ZNRF1: variants seen among roughly 807,000 people sequenced by gnomAD.
ZNRF1 encodes E3 ubiquitin-protein ligase ZNRF1.
A neutral mutation model predicts 18.4 loss-of-function variants in ZNRF1; 3 were observed. The observed-to-expected ratio is 0.16, with a 90% CI of 0.07 to 0.42. The LOEUF is 0.42. Among genes scored for constraint, ZNRF1 ranks in the 10% least tolerant of loss-of-function variants. The probability of loss-of-function intolerance (pLI) is 0.99; values close to 1 mark genes in which losing one functional copy is unlikely to be tolerated. For synonymous variants in ZNRF1, 157 were observed against 144.2 expected, an observed-to-expected ratio of 1.09 and a Z score of -0.64; for missense variants, 310 against 329.8, an observed-to-expected ratio of 0.94 and a Z score of 0.47.
intron 1 of ZNRF1, among the ~76,000 whole-genome samples, chr16:75,010,271 C>T (rs2034976894): frequency 6.6e-6 from 1 of 152,166 alleles, no homozygotes; most frequent in Admixed American, 6.6e-5. Flanking sequence ...GTGTGAGCCA[C>T]CACACCCGGC....
At chr16:75,052,649 G>T (rs1249597779) in intron 1 of ZNRF1, among the ~76,000 whole-genome samples, 1 of 152,062 alleles carries the variant, frequency 6.6e-6, no homozygotes, top group Non-Finnish European at 1.5e-5. Context: ...CTTCTTCAAG[G>T]CCACCTCCAT....
At chr16:75,030,833 CTTTTTTT>C (rs59468839) in intron 1 of ZNRF1, among the ~76,000 whole-genome samples, 43 of 91,414 alleles carry the variant, frequency 4.7e-4, no homozygotes, top group African/African-American at 1.2e-3. Flanking sequence ...CACTTTATTC[CTTTTTTT>C]TTTTTTTTTT....
chr16:75,064,489 G>A (rs1213055353), intron 1 of ZNRF1, among the ~76,000 whole-genome samples: 2 of 151,400 alleles, frequency 1.3e-5, no homozygotes, highest in Admixed American at 6.6e-5. Flanking sequence ...CCGGGGTGCA[G>A]AGGTTGCAGT....
intron 1 of ZNRF1, among the ~76,000 whole-genome samples, chr16:75,011,461 G>C (rs1233185493): frequency 6.6e-6 from 1 of 152,120 alleles, no homozygotes; most frequent in African/African-American, 2.4e-5. Context: ...ATGAACTCCT[G>C]GGCTTAAGAC....
At chr16:75,066,310 C>G (rs902646973) in intron 1 of ZNRF1, among the ~76,000 whole-genome samples, 3 of 152,144 alleles carry the variant, frequency 2.0e-5, no homozygotes, top group Admixed American at 2.0e-4. Flanking sequence ...AAATACAAGA[C>G]TGGTTCAACA....
At chr16:75,058,256 A>G (rs1460229505) in intron 1 of ZNRF1, among the ~76,000 whole-genome samples, 4 of 152,030 alleles carry the variant, frequency 2.6e-5, no homozygotes, top group Admixed American at 6.6e-5. Flanking sequence ...ATGTGCCACA[A>G]TGGACGCTCC....
chr16:75,053,329 C>T (rs1567479745), intron 1 of ZNRF1, among the ~76,000 whole-genome samples: 1 of 152,158 alleles, frequency 6.6e-6, no homozygotes, highest in East Asian at 1.9e-4. Context: ...TGGCTCATGC[C>T]TGTAATCCCA....
chr16:75,025,815 G>T (rs1195411785), intron 1 of ZNRF1, among the ~76,000 whole-genome samples: 1 of 147,890 alleles, frequency 6.8e-6, no homozygotes, highest in Non-Finnish European at 1.5e-5. Flanking sequence ...CTAGACTAGA[G>T]CATAAGAAAT....
At position 74,999,652 on chromosome 16, in the gene ZNRF1, C is replaced by A. The variant is rs2034810358; in HGVS notation, c.-20C>A. 1.5e-6 allele frequency: 2 copies of A among 1,330,396 alleles called. No homozygotes were observed. The highest frequency in any genetic ancestry group is 1.9e-6 in the Non-Finnish European group (2 of 1,046,502). 82.4% of individuals were successfully genotyped at this position (1,330,396 alleles called of 1,614,324 possible). A position where few individuals can be genotyped will look rare whatever the true frequency, so the allele number is the denominator to read the frequency against. On this transcript the variant is annotated 5_prime_UTR_variant, in exon 1 of 5. Coordinates refer to ENST00000335325, the MANE Select transcript of ZNRF1 (RefSeq NM_032268.5). ...GGGTCTCGGCCTCCAGGTTCCCGCC[C>A]CACCGGGGCCCGGGCGAGCATGGGG...
At chr16:75,087,270 G>A (rs1338932210) in intron 1 of ZNRF1, among the ~76,000 whole-genome samples, 3 of 152,184 alleles carry the variant, frequency 2.0e-5, no homozygotes, top group Non-Finnish European at 4.4e-5. Flanking sequence ...TGGGATCACT[G>A]TTGGTTCCCC....
chr16:75,021,103 C>T (rs1003820017), intron 1 of ZNRF1, among the ~76,000 whole-genome samples: 8 of 152,092 alleles, frequency 5.3e-5, no homozygotes, highest in African/African-American at 1.4e-4. Context: ...TGCAATGGGG[C>T]GGTCTCAGCT....
chr16:75,073,001 A>G (rs2035888741), intron 1 of ZNRF1, among the ~76,000 whole-genome samples: 1 of 152,154 alleles, frequency 6.6e-6, no homozygotes, highest in Non-Finnish European at 1.5e-5. Context: ...TAAAAAATTG[A>G]GGGGCCAGGC....
intron 1 of ZNRF1, among the ~76,000 whole-genome samples, chr16:75,014,411 T>G (rs1033465188): frequency 6.6e-6 from 1 of 152,212 alleles, no homozygotes; most frequent in Non-Finnish European, 1.5e-5. Flanking sequence ...AAAGATATTA[T>G]GAGGTGTGTG....
At chr16:75,095,662 G>A in intron 2 of ZNRF1, 1 of 1,550,152 alleles carries the variant, frequency 6.5e-7, no homozygotes, top group Non-Finnish European at 8.7e-7. Flanking sequence ...GAAGAACTTT[G>A]CAAGAGCAGC....
chr16:75,001,110 GTGA>G (rs1379645030), intron 1 of ZNRF1, among the ~76,000 whole-genome samples: 3 of 152,226 alleles, frequency 2.0e-5, no homozygotes, highest in African/African-American at 7.2e-5. Flanking sequence ...GGCAAGTTGA[GTGA>G]TGAAGTTACA....
intron 1 of ZNRF1, among the ~76,000 whole-genome samples, chr16:75,051,217 T>C (rs970002211): frequency 9.9e-5 from 15 of 152,072 alleles, no homozygotes; most frequent in African/African-American, 3.1e-4. Context: ...CATCTATTTT[T>C]TTTTTTCTGA....
chr16:75,044,047 A>G (rs1299047957), intron 1 of ZNRF1, among the ~76,000 whole-genome samples: 1 of 151,950 alleles, frequency 6.6e-6, no homozygotes, highest in Non-Finnish European at 1.5e-5. Flanking sequence ...TGCTGACCTC[A>G]GGTGATCCAC....
intron 1 of ZNRF1, among the ~76,000 whole-genome samples, chr16:75,085,214 C>G (rs2036059414): frequency 2.0e-5 from 3 of 152,216 alleles, no homozygotes; most frequent in Non-Finnish European, 4.4e-5. Context: ...ACCCTAACCC[C>G]TGGAGACAAC....
intron 1 of ZNRF1, among the ~76,000 whole-genome samples, chr16:75,037,694 C>G (rs994240189): frequency 1.3e-5 from 2 of 152,096 alleles, no homozygotes; most frequent in Non-Finnish European, 2.9e-5. Context: ...TCCAATTCAC[C>G]TTTTCTTCCA....
Sources: allele counts gnomAD v4.1 joint callset (sites outside exome capture counted in the v4.1 genomes callset), GRCh38; gene constraint gnomAD v4.1.1; transcripts MANE v1.5; gene names NCBI Gene and HGNC (gene_info 2026-07-23, HGNC 2026-07-21).